DPY19L2: variants seen among roughly 807,000 people sequenced by gnomAD.
DPY19L2 encodes dpy-19 like 2.
Under a neutral mutation model 97.9 loss-of-function variants are expected in DPY19L2, and 34 were observed. The ratio of observed to expected loss-of-function variants is 0.35; its 90% CI spans 0.26 to 0.46. DPY19L2 has a LOEUF of 0.46. Among genes scored for constraint, DPY19L2 ranks in the 20% least tolerant of loss-of-function variants. The pLI, the probability that DPY19L2 is intolerant of heterozygous loss-of-function variation, is 1.00. For missense variants in DPY19L2, 623 were observed against 911.4 expected (o/e 0.68, Z 4.07); for synonymous variants, 230 against 307.9 (o/e 0.75, Z 2.65).
At chr12:63,576,179 G>A (rs1440232822) in intron 19 of DPY19L2, among the ~76,000 whole-genome samples, 2 of 151,826 alleles carry the variant, frequency 1.3e-5, no homozygotes, top group African/African-American at 4.8e-5. Flanking sequence ...CACAATGAAG[G>A]GGAAAAATCA....
At chr12:63,628,685 A>T (rs1890032309) in intron 6 of DPY19L2, among the ~76,000 whole-genome samples, 1 of 151,864 alleles carries the variant, frequency 6.6e-6, no homozygotes, top group South Asian at 2.1e-4. Flanking sequence ...CTGCAGACTT[A>T]AATGTCCCTG....
intron 6 of DPY19L2, among the ~76,000 whole-genome samples, chr12:63,641,026 G>A (rs971922241): frequency 6.6e-6 from 1 of 151,990 alleles, no homozygotes; most frequent in Non-Finnish European, 1.5e-5. Context: ...CCGAGTAGCT[G>A]GGACTACAGG....
At chr12:63,587,295 T>C (rs1441048937) in intron 16 of DPY19L2, among the ~76,000 whole-genome samples, 2 of 151,914 alleles carry the variant, frequency 1.3e-5, no homozygotes, top group Non-Finnish European at 2.9e-5. Flanking sequence ...TTTTGAAAAA[T>C]TCATTTTTAA....
intron 9 of DPY19L2, chr12:63,620,015 T>C (rs956284901): frequency 1.3e-5 from 6 of 454,702 alleles, no homozygotes; most frequent in Non-Finnish European, 2.2e-5. Context: ...TGAGCTGGGG[T>C]TATAATTTCA....
intron 4 of DPY19L2, among the ~76,000 whole-genome samples, chr12:63,656,881 T>C (rs1382734227): frequency 1.4e-5 from 2 of 142,722 alleles, no homozygotes; most frequent in Non-Finnish European, 3.0e-5. Context: ...TTGATTCTTA[T>C]AGTGTCCAAC....
intron 19 of DPY19L2, among the ~76,000 whole-genome samples, chr12:63,571,321 A>C (rs907524470): frequency 6.1e-4 from 93 of 152,152 alleles, no homozygotes; most frequent in African/African-American, 2.2e-3. Flanking sequence ...GTTGTAGATG[A>C]TGAAGAGACA....
Position 63,612,691 on chromosome 12 carries a change from A to G in DPY19L2, c.1219-4016T>C, listed in dbSNP as rs565114471. 1.4e-3 allele frequency among the ~76,000 whole-genome samples: 219 copies of G among 151,798 alleles called. 1 individual carries two copies. Among genetic ancestry groups the G allele is most frequent in the African/African-American group, 4.9e-3 (202 of 41,512 alleles). The stretch of plus-strand genomic sequence containing the variant: ...GGTAATAAAGAATGAGTAGAAATCA[A>G]TGAAACAGAAAACAAAAGCAGTAGA... On this transcript the variant is annotated intron_variant, in intron 11 of 21. Coordinates refer to ENST00000324472, the MANE Select transcript of DPY19L2 (RefSeq NM_173812.5).
rs1262079680 is a variant in DPY19L2, at chr12:63,581,851, A to T, written c.1725+555T>A. ...AGTCTCACTCTGTCACCTAGGTTAG[A>T]GTGCTGTGATGCGATCTTGGCTGAC... On this transcript the variant is annotated intron_variant, in intron 18 of 21. Coordinates refer to ENST00000324472, the MANE Select transcript of DPY19L2 (RefSeq NM_173812.5). 1.3e-5 allele frequency among the ~76,000 whole-genome samples: 2 copies of T among 148,702 alleles called. 1 individual carries two copies. Among genetic ancestry groups the T allele is most frequent in the African/African-American group, 5.0e-5 (2 of 39,904 alleles).
chr12:63,662,249 C>T (rs1160706358), intron 3 of DPY19L2, among the ~76,000 whole-genome samples: 1 of 152,110 alleles, frequency 6.6e-6, no homozygotes, highest in African/African-American at 2.4e-5. Context: ...AAAAGGGCCA[C>T]ATTGTTTAAA....
intron 6 of DPY19L2, among the ~76,000 whole-genome samples, chr12:63,641,195 C>T (rs535768053): frequency 3.9e-5 from 6 of 152,208 alleles, no homozygotes; most frequent in South Asian, 2.1e-4. Context: ...TGAGCCACTG[C>T]TCCCAGCCCA....
At chr12:63,562,146 A>G (rs1314682891) in intron 21 of DPY19L2, among the ~76,000 whole-genome samples, 3 of 152,168 alleles carry the variant, frequency 2.0e-5, no homozygotes, top group Non-Finnish European at 4.4e-5. Flanking sequence ...TAAGCTGCAC[A>G]TATTTAGTAT....
intron 19 of DPY19L2, among the ~76,000 whole-genome samples, chr12:63,578,666 C>A (rs956177632): frequency 7.9e-5 from 12 of 152,042 alleles, no homozygotes; most frequent in African/African-American, 2.7e-4. Context: ...CTAAGTGCAA[C>A]TTTGAATGAA....
At chr12:63,626,866 C>T (rs550062810) in intron 6 of DPY19L2, among the ~76,000 whole-genome samples, 1 of 152,212 alleles carries the variant, frequency 6.6e-6, no homozygotes, top group East Asian at 1.9e-4. Context: ...GCAACCTCCG[C>T]CTCCTGGGTT....
At chr12:63,657,361 C>G (rs931871056) in intron 4 of DPY19L2, among the ~76,000 whole-genome samples, 9 of 152,038 alleles carry the variant, frequency 5.9e-5, no homozygotes, top group African/African-American at 2.2e-4. Flanking sequence ...AAAGAAAATG[C>G]CTTGCAAAAC....
chr12:63,589,078 G>A (rs1402670669), intron 16 of DPY19L2, among the ~76,000 whole-genome samples: 4 of 151,736 alleles, frequency 2.6e-5, no homozygotes, highest in African/African-American at 9.7e-5. Context: ...ATGAAATAAA[G>A]GCTATCTATT....
chr12:63,642,348 A>G (rs1350106321), intron 6 of DPY19L2, among the ~76,000 whole-genome samples: 2 of 152,138 alleles, frequency 1.3e-5, no homozygotes, highest in South Asian at 2.1e-4. Flanking sequence ...CATCAAATTT[A>G]TTAGTTTTTC....
At chr12:63,592,078 GAGAAGACAAGAGAAAAGAGAAA>G (rs1457839390) in intron 16 of DPY19L2, among the ~76,000 whole-genome samples, 1 of 126,686 alleles carries the variant, frequency 7.9e-6, no homozygotes, top group East Asian at 2.5e-4. Flanking sequence ...GAGAAGACAA[GAGAAGACAAGAGAAAAGAGAAA>G]AGAAAAGAGA....
chr12:63,635,334 A>G lies in DPY19L2; in HGVS notation c.804-8808T>C, dbSNP rs548297770. On this transcript the variant is annotated intron_variant, in intron 6 of 21. Coordinates refer to ENST00000324472, the MANE Select transcript of DPY19L2 (RefSeq NM_173812.5). ...GATAAAACCACAAAGATGGGGAGAAACCAGAGAAAAAAAGCTGAAAATTCT... is the reference window on the plus strand; with the variant it reads ...GATAAAACCACAAAGATGGGGAGAAGCCAGAGAAAAAAAGCTGAAAATTCT... Among the ~76,000 whole-genome samples, 10 of 152,278 alleles carry G rather than the reference A, an allele frequency of 6.6e-5. No homozygotes were observed. In the South Asian group the frequency reaches 2.1e-3, roughly 32 times the overall value.
At chr12:63,639,579 A>C (rs1892346705) in intron 6 of DPY19L2, among the ~76,000 whole-genome samples, 1 of 152,222 alleles carries the variant, frequency 6.6e-6, no homozygotes, top group Admixed American at 6.5e-5. Flanking sequence ...ACATTTATGC[A>C]GCCAACAGAC....
Sources: allele counts gnomAD v4.1 joint callset (sites outside exome capture counted in the v4.1 genomes callset), GRCh38; gene constraint gnomAD v4.1.1; transcripts MANE v1.5; gene names NCBI Gene and HGNC (gene_info 2026-07-23, HGNC 2026-07-21).